EXOC6B: variants seen among roughly 807,000 people sequenced by gnomAD.
The protein encoded by EXOC6B is SEC15 homolog B.
A neutral mutation model predicts 113.5 loss-of-function variants in EXOC6B; 54 were observed. The observed-to-expected ratio is 0.48, with a 90% confidence interval of 0.38 to 0.60. The LOEUF is 0.60. EXOC6B is among the 20% of genes least tolerant of loss of function. The pLI, the probability that EXOC6B is intolerant of heterozygous loss-of-function variation, is 0.00. For synonymous variants in EXOC6B, 357 were observed against 339.0 expected, an observed-to-expected ratio of 1.05 and a Z score of -0.58; for missense variants, 797 against 977.5, an observed-to-expected ratio of 0.82 and a Z score of 2.46.
chr2:72,554,325 G>T (rs1409990792), intron 8 of EXOC6B, among the ~76,000 whole-genome samples: 1 of 152,134 alleles, frequency 6.6e-6, no homozygotes, highest in African/African-American at 2.4e-5. Context: ...TTTAAAAAGT[G>T]GGGGATCAAG....
chr2:72,236,002 C>T (rs867223549), intron 20 of EXOC6B, among the ~76,000 whole-genome samples: 1 of 152,166 alleles, frequency 6.6e-6, no homozygotes, highest in Non-Finnish European at 1.5e-5. Flanking sequence ...GCTTAAAGGA[C>T]AAATGCTATA....
intron 20 of EXOC6B, among the ~76,000 whole-genome samples, chr2:72,209,223 CAAAAAAAAAAAAA>C (rs1170760516): frequency 1.8e-5 from 1 of 57,104 alleles, no homozygotes; most frequent in South Asian, 1.1e-3. Flanking sequence ...AACTCAGTCT[CAAAAAAAAAAAAA>C]AAAAAAAAAA....
intron 5 of EXOC6B, among the ~76,000 whole-genome samples, chr2:72,721,494 TTCTTAA>T (rs779825710): frequency 7.3e-5 from 11 of 151,146 alleles, no homozygotes; most frequent in Non-Finnish European, 1.5e-4. Flanking sequence ...TGCCAAATAT[TTCTTAA>T]AAAATAATTT....
intron 20 of EXOC6B, among the ~76,000 whole-genome samples, chr2:72,219,796 G>A (rs115208530): frequency 0.018 from 2,750 of 152,188 alleles, 43 homozygotes; most frequent in Middle Eastern, 0.041. Context: ...CTTTCAGTTT[G>A]CCTCATTTTA....
chr2:72,224,997 T>TATATATATATATATATATATATATAC (rs1681136010), intron 20 of EXOC6B, among the ~76,000 whole-genome samples: 1 of 148,054 alleles, frequency 6.8e-6, no homozygotes, highest in African/African-American at 2.5e-5. Context: ...TGTGTGTGTA[T>TATATATATATATATATATATATATAC]ATATATATAA....
chr2:72,654,381 C>A (rs1444334646), intron 6 of EXOC6B, among the ~76,000 whole-genome samples: 1 of 152,162 alleles, frequency 6.6e-6, no homozygotes, highest in Non-Finnish European at 1.5e-5. Flanking sequence ...ATATCAAATC[C>A]CAAAGTTAGT....
At chr2:72,351,735 T>A (rs1266803772) in intron 19 of EXOC6B, among the ~76,000 whole-genome samples, 5 of 152,198 alleles carry the variant, frequency 3.3e-5, no homozygotes, top group Non-Finnish European at 5.9e-5. Context: ...CTTGCCTCTC[T>A]CCTATGGATT....
intron 6 of EXOC6B, among the ~76,000 whole-genome samples, chr2:72,630,638 T>A (rs868030688): frequency 6.6e-6 from 1 of 152,244 alleles, no homozygotes; most frequent in Admixed American, 6.5e-5. Context: ...TTCCACATGA[T>A]ACAATAAATA....
chr2:72,718,007 G>T, intron 6 of EXOC6B, 96 bp downstream of exon 6: 1 of 830,446 alleles, frequency 1.2e-6, no homozygotes, highest in Non-Finnish European at 1.8e-6. Context: ...AAGAAACTTG[G>T]ATAAGATAAT....
At chr2:72,637,101 T>G (rs1227666910) in intron 6 of EXOC6B, among the ~76,000 whole-genome samples, 1 of 152,058 alleles carries the variant, frequency 6.6e-6, no homozygotes. Flanking sequence ...TACAAAGGTA[T>G]AAACCTAACA....
intron 6 of EXOC6B, among the ~76,000 whole-genome samples, chr2:72,607,615 T>C (rs887788162): frequency 1.3e-5 from 2 of 152,102 alleles, no homozygotes; most frequent in Admixed American, 1.3e-4. Context: ...TAGTCCAGAG[T>C]AGAGTCAGTC....
At chr2:72,715,685 C>T (rs969569545) in intron 6 of EXOC6B, among the ~76,000 whole-genome samples, 5 of 152,028 alleles carry the variant, frequency 3.3e-5, no homozygotes, top group African/African-American at 1.2e-4. Context: ...GTCTCTGGTT[C>T]TTCCCTTTTC....
intron 20 of EXOC6B, among the ~76,000 whole-genome samples, chr2:72,317,559 T>TCACACACACACACACACA (rs72124979): frequency 1.4e-5 from 2 of 140,598 alleles, no homozygotes; most frequent in African/African-American, 5.1e-5. Context: ...TATGAACACA[T>TCACACACACACACACACA]CACACACACA....
At chr2:72,692,637 C>T (rs143365289) in intron 6 of EXOC6B, among the ~76,000 whole-genome samples, 12 of 152,244 alleles carry the variant, frequency 7.9e-5, no homozygotes, top group East Asian at 3.9e-4. Context: ...AGCCGTGAGC[C>T]GCTGCGCCTG....
At chr2:72,197,474 C>T (rs1679243320) in intron 20 of EXOC6B, among the ~76,000 whole-genome samples, 1 of 152,112 alleles carries the variant, frequency 6.6e-6, no homozygotes, top group Admixed American at 6.5e-5. Context: ...TACTGGAGTA[C>T]TGACTCTCAG....
intron 8 of EXOC6B, among the ~76,000 whole-genome samples, chr2:72,519,479 T>A (rs1341299420): frequency 6.6e-6 from 1 of 152,166 alleles, no homozygotes; most frequent in East Asian, 1.9e-4. Context: ...ATGAGTATAG[T>A]GCTGTTCGCT....
intron 6 of EXOC6B, among the ~76,000 whole-genome samples, chr2:72,642,402 G>A (rs1288664009): frequency 5.7e-5 from 8 of 141,488 alleles, no homozygotes; most frequent in African/African-American, 2.1e-4. Context: ...CATGGTACTG[G>A]TACCAAAACA....
chr2:72,600,352 G>A (rs964374980), intron 6 of EXOC6B, among the ~76,000 whole-genome samples: 21 of 151,084 alleles, frequency 1.4e-4, no homozygotes, highest in African/African-American at 4.4e-4. Context: ...TGAGGTGGGC[G>A]TTTCCCTTGA....
In EXOC6B at chr2:72,659,814, G is replaced by A. The variant is rs141615666; in HGVS notation, c.669+58289C>T. On this transcript the variant is annotated intron_variant, in intron 6 of 21. Coordinates refer to ENST00000272427, the MANE Select transcript of EXOC6B (RefSeq NM_015189.3). ...TTAGCTCTGTATTGTAAACAGTATA[G>A]TATTTCACTACCACATCAATAAATA... Among the ~76,000 whole-genome samples the A allele has an allele frequency of 4.4e-3, 677 of 152,208 alleles. 2 individuals carry two copies. Among genetic ancestry groups the A allele is most frequent in the African/African-American group, 0.015 (624 of 41,518 alleles).
Sources: gnomAD v4.1 joint callset for allele counts (sites outside exome capture counted in the v4.1 genomes callset) on GRCh38, gnomAD v4.1.1 for gene constraint, MANE v1.5 for transcripts, NCBI Gene and HGNC (gene_info 2026-07-23, HGNC 2026-07-21) for gene names.